The following RAD51 variants were observed in gnomAD, a reference collection of about 807,000 sequenced individuals.
The protein encoded by RAD51 is RAD51 recombinase, also known as DNA repair protein RAD51 homolog 1.
A neutral mutation model predicts 41.5 loss-of-function variants in RAD51; 14 were observed. The ratio of observed to expected loss-of-function variants is 0.34; its 90% CI spans 0.22 to 0.53. The LOEUF is 0.53. RAD51 is among the 20% of genes least tolerant of loss of function. RAD51 has a pLI of 0.95. For missense variants in RAD51, 234 were observed against 422.0 expected, an observed-to-expected ratio of 0.55 and a Z score of 3.90; for synonymous variants, 136 against 148.6, an observed-to-expected ratio of 0.92 and a Z score of 0.62.
intron 1 of RAD51, among the ~76,000 whole-genome samples, chr15:40,697,830 C>T (rs907877262): frequency 1.3e-5 from 2 of 152,092 alleles, no homozygotes; most frequent in Non-Finnish European, 2.9e-5. Flanking sequence ...GGATTACAGG[C>T]GTGAGCCACT....
At chr15:40,696,402 G>A (rs567290298) in intron 1 of RAD51, among the ~76,000 whole-genome samples, 4 of 152,150 alleles carry the variant, frequency 2.6e-5, no homozygotes, top group African/African-American at 9.6e-5. Flanking sequence ...AGTGAGACCC[G>A]CATCTCTACA....
chr15:40,726,950 C>T (rs930341349), intron 6 of RAD51, among the ~76,000 whole-genome samples: 10 of 150,630 alleles, frequency 6.6e-5, no homozygotes, highest in Admixed American at 6.0e-4. Flanking sequence ...TTCCAGCCAA[C>T]TTGTCCCAAG....
At position 40,729,188 on chromosome 15, in the gene RAD51, C is replaced by T. The variant is rs184740589; in HGVS notation, c.645-317C>T. Among the ~76,000 whole-genome samples the T allele has an allele frequency of 1.9e-3, 293 of 151,846 alleles. 1 individual carries two copies. The highest frequency in any genetic ancestry group is 6.7e-3 in the African/African-American group (277 of 41,428). ...GAGATCGAGAACATCCTGGCTAACA[C>T]GGTGAATCCGTCTCTACTAAAAAAA... is the stretch of plus-strand genomic sequence containing the variant. On this transcript the variant is annotated intron_variant, in intron 7 of 9. Transcript: ENST00000267868.
chr15:40,713,157 CAGG>C (rs752020373), intron 5 of RAD51, among the ~76,000 whole-genome samples: 18 of 151,000 alleles, frequency 1.2e-4, no homozygotes, highest in Non-Finnish European at 2.5e-4. Context: ...GCTGGGATTA[CAGG>C]AGTGAGCCAC....
At chr15:40,697,653 C>G in intron 1 of RAD51, among the ~76,000 whole-genome samples, 1 of 145,070 alleles carries the variant, frequency 6.9e-6, no homozygotes, top group Non-Finnish European at 1.5e-5. Flanking sequence ...TCTTGGCTCA[C>G]TGCAAGCTCC....
chr15:40,720,583 T>G (rs979372173), intron 6 of RAD51, among the ~76,000 whole-genome samples: 3 of 152,060 alleles, frequency 2.0e-5, no homozygotes, highest in African/African-American at 7.2e-5. Flanking sequence ...TAGAAAATCC[T>G]AAGGAATCCA....
At chr15:40,723,463 T>C (rs925955604) in intron 6 of RAD51, among the ~76,000 whole-genome samples, 2 of 152,252 alleles carry the variant, frequency 1.3e-5, no homozygotes, top group African/African-American at 4.8e-5. Context: ...AAATTTGTTT[T>C]CTCCATACAA....
intron 6 of RAD51, among the ~76,000 whole-genome samples, chr15:40,719,522 G>GT (rs1896163139): frequency 1.3e-5 from 2 of 151,560 alleles, no homozygotes. Context: ...ACTAATATCA[G>GT]ACAAAGTACA....
chr15:40,707,928 G>A (rs1422350434), intron 4 of RAD51, among the ~76,000 whole-genome samples: 1 of 151,506 alleles, frequency 6.6e-6, no homozygotes, highest in Non-Finnish European at 1.5e-5. Flanking sequence ...GTCTTGGCCA[G>A]GCTGGTCTCA....
At chr15:40,726,908 G>A (rs1385562572) in intron 6 of RAD51, among the ~76,000 whole-genome samples, 5 of 106,624 alleles carry the variant, frequency 4.7e-5, no homozygotes, top group South Asian at 3.8e-4. Flanking sequence ...GTGAGACTCC[G>A]TCTCAAAAAA....
At chr15:40,730,524 T>TTTTTTTTTTCTTTTCTTTC (rs1567056556) in intron 9 of RAD51, among the ~76,000 whole-genome samples, 3 of 132,580 alleles carry the variant, frequency 2.3e-5, no homozygotes, top group Non-Finnish European at 4.9e-5. Context: ...TTTTTTCTTT[T>TTTTTTTTTTCTTTTCTTTC]TTTTTTTTTT....
chr15:40,707,834 C>CA (rs1457392263), intron 4 of RAD51, among the ~76,000 whole-genome samples: 1 of 152,058 alleles, frequency 6.6e-6, no homozygotes, highest in Non-Finnish European at 1.5e-5. Flanking sequence ...TCTCCTGCCT[C>CA]AGTCTCCTGA....
chr15:40,731,729 C>G lies in RAD51; in HGVS notation c.*551C>G, dbSNP rs1051537122. The G allele has an allele frequency of 8.9e-6, 2 of 224,934 alleles. No individual in the cohort carries two copies. The highest frequency in any genetic ancestry group is 1.8e-5 in the Non-Finnish European group (2 of 112,536). The allele number at this position is 224,934 out of a possible 1,614,324, so 13.9% of individuals were successfully genotyped here. ...AACCTACTAGGCCATTAGCCCTTCACCATCTACCTGCTTGGTCTTTCATTG... is the reference window on the plus strand; with the variant it reads ...AACCTACTAGGCCATTAGCCCTTCAGCATCTACCTGCTTGGTCTTTCATTG... On this transcript the variant is annotated 3_prime_UTR_variant, in exon 10 of 10. Transcript: ENST00000267868.
intron 5 of RAD51, among the ~76,000 whole-genome samples, chr15:40,713,991 A>ATTTT (rs1178951720): frequency 1.4e-5 from 1 of 72,628 alleles, no homozygotes; most frequent in Non-Finnish European, 2.6e-5. Flanking sequence ...TCAGAAATAA[A>ATTTT]TTCTTTTTTT....
At chr15:40,706,057 T>G (rs1327645451) in intron 3 of RAD51, 120 bp from the exon 4 acceptor site, 1 of 700,880 alleles carries the variant, frequency 1.4e-6, no homozygotes, top group Non-Finnish European at 2.5e-6. Context: ...TATTTTCTCT[T>G]CCCATTGCAC....
intron 5 of RAD51, among the ~76,000 whole-genome samples, chr15:40,713,910 G>A (rs555390298): frequency 1.3e-3 from 195 of 151,768 alleles, no homozygotes; most frequent in African/African-American, 4.6e-3. Flanking sequence ...CTGGCTGGCT[G>A]CCATATGTCT....
chr15:40,718,426 G>A (rs554601662), intron 5 of RAD51, among the ~76,000 whole-genome samples: 1 of 151,682 alleles, frequency 6.6e-6, no homozygotes, highest in Non-Finnish European at 1.5e-5. Context: ...GCTGAGGCAG[G>A]AGAGTTGCTT....
chr15:40,706,860 A>G (rs534560626), intron 4 of RAD51, among the ~76,000 whole-genome samples: 4 of 152,356 alleles, frequency 2.6e-5, no homozygotes, highest in African/African-American at 9.6e-5. Context: ...TTAAGGAGGT[A>G]ACTGTAATTA....
At chr15:40,730,038 A>C in intron 9 of RAD51, 64 bp downstream of exon 9, 1 of 1,589,220 alleles carries the variant, frequency 6.3e-7, no homozygotes, top group South Asian at 1.1e-5. Context: ...AGACATGAAG[A>C]TATAACATTT....
Sources: allele counts gnomAD v4.1 joint callset (sites outside exome capture counted in the v4.1 genomes callset), GRCh38; gene constraint gnomAD v4.1.1; transcripts MANE v1.5; gene names NCBI Gene and HGNC (gene_info 2026-07-23, HGNC 2026-07-21).